B4GALT6: variants seen among roughly 807,000 people sequenced by gnomAD.
The protein encoded by B4GALT6 is UDP-Gal:beta-GlcNAc beta-1,4-galactosyltransferase 6.
Under a neutral mutation model 46.3 loss-of-function variants are expected in B4GALT6, and 14 were observed. The observed-to-expected ratio is 0.30, with a 90% confidence interval of 0.20 to 0.47. B4GALT6 has a LOEUF of 0.47. B4GALT6 is among the 20% of genes least tolerant of loss of function. The pLI is 0.99. For synonymous variants in B4GALT6, 168 were observed against 162.0 expected (o/e 1.04, Z -0.28); for missense variants, 386 against 480.1 (o/e 0.80, Z 1.83).
At chr18:31,641,945 C>T (rs566030385) in intron 4 of B4GALT6, among the ~76,000 whole-genome samples, 6 of 152,340 alleles carry the variant, frequency 3.9e-5, no homozygotes, top group Admixed American at 2.6e-4. Context: ...CCCTAAATGA[C>T]ATGGCTTTAG....
At chr18:31,672,637 C>T (rs1567981355) in intron 1 of B4GALT6, among the ~76,000 whole-genome samples, 1 of 152,220 alleles carries the variant, frequency 6.6e-6, no homozygotes, top group African/African-American at 2.4e-5. Context: ...ATTCAGCATA[C>T]TCTCTTTGTC....
Position 31,658,039 on chromosome 18 carries a change from A to C in B4GALT6, c.283T>G (p.Tyr95Asp). Residue 95 changes from tyrosine to aspartate, a missense_variant, in exon 3 of 9, where the codon TAT (tyrosine) becomes GAT (aspartate). Coordinates refer to ENST00000306851, the MANE Select transcript of B4GALT6 (RefSeq NM_004775.5). ...GAGTATGTGAAGTTTTCCGGGAGAT[A>C]CGTTGTTGTTTGAACAAGATAATCA... is the stretch of plus-strand genomic sequence containing the variant. ...SSDYLVQTTTYLPENFTYSPY... is the reference protein window; with the variant it reads ...SSDYLVQTTTDLPENFTYSPY... The C allele has an allele frequency of 6.2e-7, 1 of 1,613,504 alleles. No homozygotes were observed. The highest frequency in any genetic ancestry group is 8.5e-7 in the Non-Finnish European group (1 of 1,179,844).
Position 31,625,514 on chromosome 18 carries a change from A to T in B4GALT6, c.*100T>A, listed in dbSNP as rs971130454. 1.6e-5 allele frequency: 21 copies of T among 1,335,706 alleles called. No homozygotes were observed. Among genetic ancestry groups the T allele is most frequent in the Non-Finnish European group, 2.1e-5 (20 of 946,880 alleles). 82.7% of individuals were successfully genotyped at this position (1,335,706 alleles called of 1,614,324 possible). On this transcript the variant is annotated 3_prime_UTR_variant, in exon 9 of 9. Coordinates refer to ENST00000306851, the MANE Select transcript of B4GALT6 (RefSeq NM_004775.5). ...TGGACTGCTGGCTCTTCTCAGAGAA[A>T]AGGGCACTGTGACACAGCCAATCAC...
chr18:31,691,292 C>CATAT, the B4GALT6 span, among the ~76,000 whole-genome samples: 119 of 117,364 alleles, frequency 1.0e-3, no homozygotes, highest in African/African-American at 1.2e-3. Context: ...CATAATTTTA[C>CATAT]ATATATATAT....
intron 3 of B4GALT6, among the ~76,000 whole-genome samples, chr18:31,647,642 C>A (rs1354594856): frequency 6.6e-6 from 1 of 152,104 alleles, no homozygotes; most frequent in East Asian, 1.9e-4. Context: ...GGGGACAGGC[C>A]TCCCAGGACA....
the B4GALT6 span, among the ~76,000 whole-genome samples, chr18:31,700,435 T>TTGTGTGTGTGTG: frequency 0.029 from 4,112 of 139,474 alleles, 118 homozygotes; most frequent in East Asian, 0.099. Flanking sequence ...AATTGACTAT[T>TTGTGTGTGTGTG]TGTGTGTGTG....
At chr18:31,719,850 T>TGATC in the B4GALT6 span, among the ~76,000 whole-genome samples, 3 of 152,184 alleles carry the variant, frequency 2.0e-5, no homozygotes, top group Non-Finnish European at 4.4e-5. Context: ...TGGTGTCAGC[T>TGATC]GATCCATCAA....
the B4GALT6 span, among the ~76,000 whole-genome samples, chr18:31,718,397 A>T: frequency 6.6e-6 from 1 of 152,222 alleles, no homozygotes; most frequent in African/African-American, 2.4e-5. Context: ...AATGGATGCA[A>T]GATAGGGCCT....
chr18:31,706,500 G>T, the B4GALT6 span, among the ~76,000 whole-genome samples: 1 of 152,086 alleles, frequency 6.6e-6, no homozygotes, highest in Non-Finnish European at 1.5e-5. Context: ...GCGTGGTGGT[G>T]GGCACCTGTA....
upstream of B4GALT6, chr18:31,685,890 G>A (rs554633425): frequency 7.9e-5 from 12 of 152,294 alleles, no homozygotes; most frequent in African/African-American, 2.9e-4. Flanking sequence ...GGACCTATGT[G>A]CGTCCCTTAT....
chr18:31,654,349 A>AT (rs2074112979), intron 3 of B4GALT6, among the ~76,000 whole-genome samples: 1 of 152,208 alleles, frequency 6.6e-6, no homozygotes, highest in Admixed American at 6.5e-5. Flanking sequence ...TGAAACTTCT[A>AT]TTTTACTTTG....
At chr18:31,670,631 T>C (rs1477558720) in intron 1 of B4GALT6, among the ~76,000 whole-genome samples, 1 of 152,236 alleles carries the variant, frequency 6.6e-6, no homozygotes, top group Non-Finnish European at 1.5e-5. Context: ...GAAAGTGCTA[T>C]GTCACAGGGT....
At chr18:31,686,156 T>G (rs1426286194), upstream of B4GALT6, 1 of 152,230 alleles carries the variant, frequency 6.6e-6, no homozygotes, top group Non-Finnish European at 1.5e-5. Context: ...GCGCAGGTGT[T>G]TCTTTTTCAA....
At chr18:31,665,715 C>G (rs2074274624) in intron 2 of B4GALT6, among the ~76,000 whole-genome samples, 1 of 152,056 alleles carries the variant, frequency 6.6e-6, no homozygotes, top group Non-Finnish European at 1.5e-5. Context: ...GCACTCCAGC[C>G]TGGGCAACAG....
At chr18:31,691,775 G>C in the B4GALT6 span, among the ~76,000 whole-genome samples, 1 of 152,114 alleles carries the variant, frequency 6.6e-6, no homozygotes, top group Admixed American at 6.5e-5. Context: ...GTATTTCTGT[G>C]TCTGAAATGT....
chr18:31,637,845 G>T (rs2073879229), intron 5 of B4GALT6, among the ~76,000 whole-genome samples: 1 of 152,156 alleles, frequency 6.6e-6, no homozygotes, highest in African/African-American at 2.4e-5. Context: ...ATTTAGAAAA[G>T]AACTTTGAGT....
chr18:31,655,195 T>C (rs970182706), intron 3 of B4GALT6, among the ~76,000 whole-genome samples: 2 of 152,262 alleles, frequency 1.3e-5, no homozygotes, highest in African/African-American at 4.8e-5. Context: ...CAAGGCTCTC[T>C]TGGCAGAAGC....
chr18:31,640,899 C>T (rs370091205), intron 4 of B4GALT6, among the ~76,000 whole-genome samples: 2 of 152,194 alleles, frequency 1.3e-5, no homozygotes, highest in South Asian at 2.1e-4. Context: ...TGGAAAAGTG[C>T]TATGAAAAGT....
At position 31,622,741 on chromosome 18, in the gene B4GALT6, CTT is replaced by C. The variant is rs925149076; in HGVS notation, c.*2871_*2872del. On this transcript the variant is annotated 3_prime_UTR_variant, in exon 9 of 9. Coordinates refer to ENST00000306851, the MANE Select transcript of B4GALT6 (RefSeq NM_004775.5). Reference sequence around the variant, plus strand: ...GAATAACTTTTCACAAAAACAAAAACTTAAATGTAGATTTAAAAAATACTCAT... The same window carrying C: ...GAATAACTTTTCACAAAAACAAAAACAAATGTAGATTTAAAAAATACTCAT... 3.3e-5 allele frequency: 5 copies of C among 151,956 alleles called. No homozygotes were observed. Among genetic ancestry groups the C allele is most frequent in the African/African-American group, 9.7e-5 (4 of 41,422 alleles). The allele number at this position is 151,956 out of a possible 1,614,324, so 9.4% of individuals were successfully genotyped here. A position where few individuals can be genotyped will look rare whatever the true frequency, so the allele number is the denominator to read the frequency against.
Sources: gnomAD v4.1 joint callset for allele counts (sites outside exome capture counted in the v4.1 genomes callset) on GRCh38, gnomAD v4.1.1 for gene constraint, MANE v1.5 for transcripts, NCBI Gene and HGNC (gene_info 2026-07-23, HGNC 2026-07-21) for gene names.